Variants in FAT4 observed in about 807,000 individuals in gnomAD.
The protein encoded by FAT4 is protocadherin Fat 4.
In FAT4, 84 loss-of-function variants were observed where a neutral mutation model predicts 303.9. The observed-to-expected ratio is 0.28, with a 90% confidence interval of 0.23 to 0.33. The LOEUF (loss-of-function observed/expected upper bound fraction) is 0.33, where lower values mean the gene tolerates loss of function less well. Ranked by LOEUF, FAT4 falls within the 10% of genes least tolerant of loss-of-function variation. The probability of loss-of-function intolerance (pLI) is 1.00; values close to 1 mark genes in which losing one functional copy is unlikely to be tolerated. For missense variants in FAT4, 6,005 were observed against 6,146.8 expected, an observed-to-expected ratio of 0.98 and a Z score of 0.77; for synonymous variants, 2,307 against 2,298.8, an observed-to-expected ratio of 1.00 and a Z score of -0.10.
At position 125,463,620 on chromosome 4, in the gene FAT4, G is replaced by T; in HGVS notation, c.11858G>T (p.Gly3953Val). 2 of 1,601,490 alleles carry T rather than the reference G, an allele frequency of 1.2e-6. No homozygotes were observed. Among genetic ancestry groups the T allele is most frequent in the Non-Finnish European group, 1.7e-6 (2 of 1,172,382 alleles). ...GAATGCAACCCCTGCTTTAATGGTG[G>T]TTCCTGCCAAAGTGGTGTGGATTCT... ...YCECNPCFNG[G>V]SCQSGVDSYY... The change falls in exon 11 of 18, where the codon GGT (glycine) becomes GTT (valine). Residue 3953 changes from glycine (G) to valine (V), a missense_variant. By Grantham distance (109) the Gly-to-Val change is moderately radical (BLOSUM62 -3). Transcript: ENST00000394329.
chr4:125,478,617 C>T (rs1727115391), intron 14 of FAT4, among the ~76,000 whole-genome samples: 3 of 152,054 alleles, frequency 2.0e-5, no homozygotes, highest in Admixed American at 2.0e-4. Flanking sequence ...CTGCAACCTC[C>T]ACCTCCTGGG....
chr4:125,459,715 A>C (rs1353898255), intron 10 of FAT4, among the ~76,000 whole-genome samples: 1 of 152,100 alleles, frequency 6.6e-6, no homozygotes, highest in African/African-American at 2.4e-5. Flanking sequence ...GCATACTTCC[A>C]AGCCTGAAGG....
intron 2 of FAT4, among the ~76,000 whole-genome samples, chr4:125,356,449 ACTAG>A (rs966025045): frequency 1.3e-5 from 2 of 151,886 alleles, no homozygotes; most frequent in Non-Finnish European, 2.9e-5. Flanking sequence ...TATTTATTTG[ACTAG>A]CTAAAGAAAT....
intron 10 of FAT4, among the ~76,000 whole-genome samples, chr4:125,462,902 A>C (rs1726529527): frequency 6.6e-6 from 1 of 152,044 alleles, no homozygotes; most frequent in African/African-American, 2.4e-5. Flanking sequence ...ACTCAATATT[A>C]GTTGATTCAA....
At position 125,448,576 on chromosome 4, in the gene FAT4, A is replaced by C. The variant is rs1279846632; in HGVS notation, c.7566A>C (p.Gly2522=). 6.2e-7 allele frequency: 1 copy of C among 1,613,832 alleles called. No homozygotes were observed. The highest frequency in any genetic ancestry group is 1.1e-5 in the South Asian group (1 of 91,084). ...AATTTCACATTGACCCACTGAGGGG[A>C]GCCATTATGGCCGCCGGACCACTAA... is the stretch of plus-strand genomic sequence containing the variant. The part of the protein sequence containing the change: ...SEKFHIDPLR[G]AIMAAGPLNG... Residue 2522 remains glycine, a synonymous_variant, in exon 10 of 18, where the codon GGA becomes GGC. Transcript: ENST00000394329.
At chr4:125,489,832 A>C in intron 17 of FAT4, 69 bp from the exon 18 acceptor site, 2 of 1,241,276 alleles carry the variant, frequency 1.6e-6, no homozygotes, top group African/African-American at 1.6e-5. Context: ...AGAACCCAGC[A>C]GTGTAGTATA....
chr4:125,330,983 G>A (rs979261164), intron 2 of FAT4, among the ~76,000 whole-genome samples: 2 of 152,108 alleles, frequency 1.3e-5, no homozygotes, highest in Non-Finnish European at 2.9e-5. Context: ...CCTCCTTAGG[G>A]TCTTTGTGGC....
intron 10 of FAT4, among the ~76,000 whole-genome samples, chr4:125,460,997 G>T (rs1726464265): frequency 6.6e-6 from 1 of 152,060 alleles, no homozygotes; most frequent in African/African-American, 2.4e-5. Flanking sequence ...TGAAGAATCA[G>T]ATTCTATTGA....
intron 2 of FAT4, among the ~76,000 whole-genome samples, chr4:125,350,413 C>T (rs2125977363): frequency 6.6e-6 from 1 of 151,918 alleles, no homozygotes; most frequent in Non-Finnish European, 1.5e-5. Flanking sequence ...TTCACTTAAT[C>T]TTTTCAAAGC....
intron 2 of FAT4, among the ~76,000 whole-genome samples, chr4:125,370,560 G>A (rs1286076046): frequency 6.6e-6 from 1 of 152,108 alleles, no homozygotes. Context: ...AAAGAGGATT[G>A]CAGTTGGATT....
intron 3 of FAT4, among the ~76,000 whole-genome samples, chr4:125,405,089 C>G (rs1484213652): frequency 6.6e-6 from 1 of 151,498 alleles, no homozygotes; most frequent in East Asian, 1.9e-4. Context: ...TTCCAATAAG[C>G]ATTTCCTTTG....
chr4:125,368,208 A>C (rs147278854), intron 2 of FAT4, among the ~76,000 whole-genome samples: 33 of 152,194 alleles, frequency 2.2e-4, no homozygotes, highest in African/African-American at 7.7e-4. Context: ...AGATTTGTAG[A>C]GAGTACTGTG....
At chr4:125,344,361 C>T (rs1731918629) in intron 2 of FAT4, among the ~76,000 whole-genome samples, 2 of 152,018 alleles carry the variant, frequency 1.3e-5, no homozygotes, top group African/African-American at 4.8e-5. Flanking sequence ...GTCTAGGAGG[C>T]CTGGTGTTAT....
At position 125,320,389 on chromosome 4, in the gene FAT4, A is replaced by G. The variant is rs201916729; in HGVS notation, c.3978A>G (p.Glu1326=). 16 of 1,614,142 alleles carry G rather than the reference A, an allele frequency of 9.9e-6. No individual in the cohort carries two copies. The highest frequency in any genetic ancestry group is 6.7e-5 in the Admixed American group (4 of 60,022). ...PKSTLFVDVL[E]NMRIGELVSS... is the part of the protein sequence containing the mutation. ...CAACACTCTTTGTTGATGTTTTGGA[A>G]AACATGAGAATTGGTGAACTCGTGT... Residue 1326 remains glutamate (E), a synonymous_variant, in exon 2 of 18, where the codon GAA becomes GAG. Transcript: ENST00000394329.
chr4:125,489,527 A>T (rs1328542049), intron 17 of FAT4, among the ~76,000 whole-genome samples: 2 of 152,316 alleles, frequency 1.3e-5, no homozygotes, highest in Admixed American at 6.5e-5. Flanking sequence ...AAATTTAAAA[A>T]ATATATATTT....
chr4:125,478,688 G>A (rs561411677), intron 14 of FAT4, among the ~76,000 whole-genome samples: 11 of 152,072 alleles, frequency 7.2e-5, no homozygotes, highest in African/African-American at 1.9e-4. Flanking sequence ...CTGCCACCAC[G>A]CACAGCTAAT....
intron 2 of FAT4, among the ~76,000 whole-genome samples, chr4:125,394,749 CAT>C (rs541589405): frequency 1.7e-4 from 26 of 152,044 alleles, no homozygotes; most frequent in Non-Finnish European, 3.5e-4. Context: ...GAACCAAGCA[CAT>C]GTTAGGATTT....
intron 2 of FAT4, among the ~76,000 whole-genome samples, chr4:125,372,069 G>A (rs1215400069): frequency 1.3e-5 from 2 of 152,012 alleles, no homozygotes; most frequent in Non-Finnish European, 2.9e-5. Flanking sequence ...AATCAAGGCT[G>A]GGCATAGTGG....
At chr4:125,358,650 A>G (rs1480206470) in intron 2 of FAT4, among the ~76,000 whole-genome samples, 2 of 152,146 alleles carry the variant, frequency 1.3e-5, no homozygotes, top group South Asian at 2.1e-4. Flanking sequence ...GGAAGCGGCT[A>G]TAAATAGAGA....
Sources: allele counts gnomAD v4.1 joint callset (sites outside exome capture counted in the v4.1 genomes callset), GRCh38; gene constraint gnomAD v4.1.1; transcripts MANE v1.5; gene names NCBI Gene and HGNC (gene_info 2026-07-23, HGNC 2026-07-21).